CRBN: variants seen among roughly 807,000 people sequenced by gnomAD.
CRBN encodes protein cereblon.
CRBN carries 53 observed loss-of-function variants against 62.2 expected under a neutral mutation model. The ratio of observed to expected loss-of-function variants is 0.85; its 90% CI spans 0.68 to 1.07. The LOEUF (loss-of-function observed/expected upper bound fraction) is 1.07, where lower values mean the gene tolerates loss of function less well. Among genes scored for constraint, CRBN ranks in the 50% least tolerant of loss-of-function variants. CRBN has a pLI of 0.00. For missense variants in CRBN, 616 were observed against 531.1 expected, an observed-to-expected ratio of 1.16 and a Z score of -1.57; for synonymous variants, 208 against 176.1, an observed-to-expected ratio of 1.18 and a Z score of -1.43.
At chr3:3,165,754 A>C (rs1311809295) in intron 5 of CRBN, among the ~76,000 whole-genome samples, 1 of 152,146 alleles carries the variant, frequency 6.6e-6, no homozygotes, top group East Asian at 1.9e-4. Context: ...AACCTGCAAT[A>C]TCTCCGTGGT....
At position 3,176,401 on chromosome 3, in the gene CRBN, A is replaced by G. The variant is rs1317720205; in HGVS notation, c.68-1132T>C. 2.0e-5 allele frequency among the ~76,000 whole-genome samples: 3 copies of G among 152,106 alleles called. No homozygotes were observed. In the East Asian group the frequency reaches 5.8e-4, roughly 29 times the overall value. ...AACCTAGCAGGAAGAATTTCACAGC[A>G]TTTTTCTAGTGACAACATTTCCCTG... is the stretch of plus-strand genomic sequence containing the variant. On this transcript the variant is annotated intron_variant, in intron 1 of 10. Transcript: ENST00000231948.
chr3:3,172,684 A>C (rs1371568425), intron 4 of CRBN, 92 bp downstream of exon 4: 1 of 1,366,702 alleles, frequency 7.3e-7, no homozygotes, highest in Non-Finnish European at 1.0e-6. Context: ...AAAAGTTACA[A>C]AATATGAAGG....
chr3:3,165,161 T>C (rs1707280168), intron 5 of CRBN, among the ~76,000 whole-genome samples: 2 of 152,180 alleles, frequency 1.3e-5, no homozygotes, highest in Non-Finnish European at 2.9e-5. Context: ...TGATCAAACA[T>C]GGATTAGGAG....
intron 1 of CRBN, among the ~76,000 whole-genome samples, chr3:3,176,283 G>A (rs1050732449): frequency 2.0e-5 from 3 of 152,082 alleles, no homozygotes; most frequent in South Asian, 2.1e-4. Context: ...AACCTCTAAC[G>A]TTCTCTCAAA....
In CRBN at chr3:3,153,391, G is replaced by A. The variant is rs202139535; in HGVS notation, c.1016+33C>T. Reference sequence around the variant, plus strand: ...CAGTCTTCATTATAATTCTGATAAGGCAAGTATATTAAAAACGTAATAAAG... The same window carrying A: ...CAGTCTTCATTATAATTCTGATAAGACAAGTATATTAAAAACGTAATAAAG... On this transcript the variant is annotated intron_variant, in intron 9 of 10. Transcript: ENST00000231948. 17 of 1,144,064 alleles carry A rather than the reference G, an allele frequency of 1.5e-5. No individual in the cohort carries two copies. In the African/African-American group the frequency reaches 2.0e-4, roughly 13 times the overall value. 70.9% of individuals were successfully genotyped at this position (1,144,064 alleles called of 1,614,324 possible).
intron 4 of CRBN, among the ~76,000 whole-genome samples, chr3:3,169,797 C>A (rs556444828): frequency 1.3e-5 from 2 of 152,260 alleles, no homozygotes; most frequent in South Asian, 4.1e-4. Flanking sequence ...AAGAGATCTT[C>A]TCTTGTGATG....
In CRBN at chr3:3,154,069, G is replaced by C; in HGVS notation, c.842C>G (p.Ser281Cys). Residue 281 changes from serine to cysteine, a missense_variant, in exon 8 of 11, where the codon TCT becomes TGT. Ser to Cys is a moderately radical substitution (Grantham distance 112, BLOSUM62 -1). Coordinates refer to ENST00000231948, the MANE Select transcript of CRBN (RefSeq NM_016302.4). ...DSLPSNPIDF[S>C]YRVAACLPID... ...AGGAAGACAAGCAGCTACTCTGTAA[G>C]AAAAATCTTCAAGACATGGTTTTTC... 6.2e-7 allele frequency: 1 copy of C among 1,602,782 alleles called. No homozygotes were observed. The highest frequency in any genetic ancestry group is 1.1e-5 in the South Asian group (1 of 90,816).
At chr3:3,153,853 GACT>G (rs1706749161) in intron 8 of CRBN, 104 bp downstream of exon 8, 4 of 727,652 alleles carry the variant, frequency 5.5e-6, no homozygotes, top group Admixed American at 4.2e-5. Context: ...TGAATTGCAT[GACT>G]ACATTACTGG....
intron 6 of CRBN, 165 bp downstream of exon 6, chr3:3,156,054 T>A (rs1351084373): frequency 3.1e-6 from 2 of 640,280 alleles, no homozygotes; most frequent in Non-Finnish European, 5.6e-6. Flanking sequence ...TCCCCCTGCC[T>A]TGGCCTCCCA....
intron 5 of CRBN, among the ~76,000 whole-genome samples, chr3:3,158,589 T>G (rs1013673130): frequency 6.6e-6 from 1 of 152,230 alleles, no homozygotes; most frequent in South Asian, 2.1e-4. Flanking sequence ...ATCAAGTAGC[T>G]CTGAATCTTC....
rs1156447496 is a variant in CRBN at position 3,153,869 on chromosome 3, T to C, written c.951+91A>G. The C allele has an allele frequency of 7.6e-6, 6 of 787,402 alleles. No homozygotes were observed. The East Asian group carries it at 1.5e-4, about 20-fold the overall frequency. 48.8% of individuals were successfully genotyped at this position (787,402 alleles called of 1,614,324 possible). A position where few individuals can be genotyped will look rare whatever the true frequency, so the allele number is the denominator to read the frequency against. ...GAATTGCATGACTACATTACTGGAC[T>C]CTATACAGAGCTCCATTGGCCCCAA... On this transcript the variant is annotated intron_variant, in intron 8 of 10. Coordinates refer to ENST00000231948, the MANE Select transcript of CRBN (RefSeq NM_016302.4).
rs76714935 is a variant in CRBN, at chr3:3,177,577, G to A, written c.67+2044C>T. On this transcript the variant is annotated intron_variant, in intron 1 of 10. Coordinates refer to ENST00000231948, the MANE Select transcript of CRBN (RefSeq NM_016302.4). ...TTGTATTTCCAACTCTGACAGTATG[G>A]CTATCACTTGGCATGCAGCACAACC... Among the ~76,000 whole-genome samples the A allele has an allele frequency of 6.1e-3, 922 of 152,294 alleles. 4 individuals are homozygous for A. The highest frequency in any genetic ancestry group is 0.01 in the Admixed American group (156 of 15,306).
chr3:3,151,666 C>G (rs1036094520), intron 10 of CRBN, among the ~76,000 whole-genome samples: 2 of 152,066 alleles, frequency 1.3e-5, no homozygotes, highest in Admixed American at 6.6e-5. Flanking sequence ...AGTTTTAGTC[C>G]TCACATAGGG....
In CRBN at chr3:3,172,902, T is replaced by C. The variant is rs745762376; in HGVS notation, c.401A>G (p.Gln134Arg). 41 of 1,613,834 alleles carry C rather than the reference T, an allele frequency of 2.5e-5. No individual in the cohort carries two copies. Among genetic ancestry groups the C allele is most frequent in the Non-Finnish European group, 3.3e-5 (39 of 1,179,822 alleles). Reference sequence around the variant, plus strand: ...ATATATCTCTGCTGTTGTTCCAAACTGTGCTTCCCTTTCCTGTACATTGCT... The same window carrying C: ...ATATATCTCTGCTGTTGTTCCAAACCGTGCTTCCCTTTCCTGTACATTGCT... ...AYSNVQEREA[Q>R]FGTTAEIYAY... Residue 134 changes from glutamine (Q) to arginine (R), a missense_variant, in exon 4 of 11, where the codon CAG becomes CGG. Gln to Arg is a conservative substitution (Grantham distance 43, BLOSUM62 1). Transcript: ENST00000231948.
At chr3:3,159,183 C>T (rs973265355) in intron 5 of CRBN, among the ~76,000 whole-genome samples, 15 of 152,054 alleles carry the variant, frequency 9.9e-5, no homozygotes, top group Admixed American at 2.6e-4. Context: ...AGCGTGAGAC[C>T]AGACTAATAC....
At chr3:3,162,623 T>C (rs868602854) in intron 5 of CRBN, among the ~76,000 whole-genome samples, 1 of 152,182 alleles carries the variant, frequency 6.6e-6, no homozygotes, top group South Asian at 2.1e-4. Flanking sequence ...GTTGTTTAGG[T>C]TTCCACGGCA....
chr3:3,153,949 A>C lies in CRBN; in HGVS notation c.951+11T>G. 1 of 1,516,830 alleles carries C rather than the reference A, an allele frequency of 6.6e-7. No homozygotes were observed. The highest frequency in any genetic ancestry group is 9.2e-7 in the Non-Finnish European group (1 of 1,091,298). 94.0% of individuals were successfully genotyped at this position (1,516,830 alleles called of 1,614,324 possible). On this transcript the variant is annotated intron_variant, in intron 8 of 10. Transcript: ENST00000231948. ...AAACATGGGCATCAAAAACATATTCACTTTACTCACTTTATTCATAATGTC... is the reference window on the plus strand; with the variant it reads ...AAACATGGGCATCAAAAACATATTCCCTTTACTCACTTTATTCATAATGTC...
At chr3:3,160,490 G>A (rs924710270) in intron 5 of CRBN, among the ~76,000 whole-genome samples, 20 of 152,134 alleles carry the variant, frequency 1.3e-4, no homozygotes, top group Non-Finnish European at 4.4e-5. Context: ...AGGCTTATAC[G>A]CTAATGGCAG....
chr3:3,162,889 G>A (rs1198973127), intron 5 of CRBN, among the ~76,000 whole-genome samples: 3 of 152,160 alleles, frequency 2.0e-5, no homozygotes, highest in Admixed American at 2.0e-4. Context: ...AGACAGGAAT[G>A]AACTGAACCT....
Sources: gnomAD v4.1 joint callset for allele counts (sites outside exome capture counted in the v4.1 genomes callset) on GRCh38, gnomAD v4.1.1 for gene constraint, MANE v1.5 for transcripts, NCBI Gene and HGNC (gene_info 2026-07-23, HGNC 2026-07-21) for gene names.